GLB1: variants seen among roughly 807,000 people sequenced by gnomAD.
The protein encoded by GLB1 is galactosidase beta 1, also known as beta-galactosidase.
A neutral mutation model predicts 74.0 loss-of-function variants in GLB1; 56 were observed. The observed-to-expected ratio is 0.76, with a 90% CI of 0.61 to 0.94. The LOEUF is 0.94. Ranked by LOEUF, GLB1 falls within the 40% of genes least tolerant of loss-of-function variation. The pLI, the probability that GLB1 is intolerant of heterozygous loss-of-function variation, is 0.00. For missense variants in GLB1, 787 were observed against 845.5 expected, an observed-to-expected ratio of 0.93 and a Z score of 0.86; for synonymous variants, 323 against 323.6, an observed-to-expected ratio of 1.00 and a Z score of 0.02.
chr3:32,999,801 C>A (rs1696475111), intron 15 of GLB1, among the ~76,000 whole-genome samples: 1 of 152,054 alleles, frequency 6.6e-6, no homozygotes, highest in Non-Finnish European at 1.5e-5. Flanking sequence ...CAGGCGTGCA[C>A]CACCATGCCC....
intron 10 of GLB1, 155 bp from the exon 11 acceptor site, chr3:33,024,480 C>T: frequency 2.6e-6 from 2 of 768,362 alleles, no homozygotes. Flanking sequence ...TCTTCCAAAG[C>T]AGGATCTGGT....
Position 33,073,666 on chromosome 3 carries a change from C to T in GLB1, c.76-953G>A, listed in dbSNP as rs545062407. ...TCACACCACTGCACTCCAGCCTGGGCGACAGAGCGAGACTCTGTCTCAAAA... is the reference window on the plus strand; with the variant it reads ...TCACACCACTGCACTCCAGCCTGGGTGACAGAGCGAGACTCTGTCTCAAAA... On this transcript the variant is annotated intron_variant, in intron 1 of 15. Coordinates refer to ENST00000307363, the MANE Select transcript of GLB1 (RefSeq NM_000404.4). Among the ~76,000 whole-genome samples, 89 of 151,156 alleles carry T rather than the reference C, an allele frequency of 5.9e-4. 1 individual carries two copies. Among genetic ancestry groups the T allele is most frequent in the East Asian group, 1.2e-3 (6 of 5,124 alleles).
chr3:33,004,956 TAAG>T (rs940027791), intron 15 of GLB1, among the ~76,000 whole-genome samples: 3 of 151,988 alleles, frequency 2.0e-5, no homozygotes, highest in African/African-American at 4.8e-5. Flanking sequence ...CCCAAAAGTG[TAAG>T]AAGAGAGCCC....
the GLB1 span, among the ~76,000 whole-genome samples, chr3:32,968,278 G>T: frequency 6.6e-6 from 1 of 152,132 alleles, no homozygotes. Flanking sequence ...ACAGATTAAT[G>T]TGCATGGTGC....
Position 33,012,695 on chromosome 3 carries a change from C to A in GLB1, c.1734+1361G>T, listed in dbSNP as rs188479388. On this transcript the variant is annotated intron_variant, in intron 15 of 15. Coordinates refer to ENST00000307363, the MANE Select transcript of GLB1 (RefSeq NM_000404.4). ...CAAACTCATGACCCCCCTTTCTAAGCCTAAGTCCCCTTCTGAAGCTGCTTC... is the reference window on the plus strand; with the variant it reads ...CAAACTCATGACCCCCCTTTCTAAGACTAAGTCCCCTTCTGAAGCTGCTTC... Among the ~76,000 whole-genome samples the A allele has an allele frequency of 3.9e-5, 6 of 152,294 alleles. No homozygotes were observed. In the East Asian group the frequency reaches 7.7e-4, roughly 20 times the overall value.
intron 1 of GLB1, chr3:33,094,180 G>T: frequency 6.2e-7 from 1 of 1,602,534 alleles, no homozygotes; most frequent in Non-Finnish European, 8.5e-7. Flanking sequence ...AGGGACAGCT[G>T]CCTGAAGATG....
At chr3:32,972,647 A>G in the GLB1 span, among the ~76,000 whole-genome samples, 1 of 152,232 alleles carries the variant, frequency 6.6e-6, no homozygotes, top group Admixed American at 6.5e-5. Flanking sequence ...ACCAGACATC[A>G]GCCACTGCTG....
chr3:32,985,868 G>T, the GLB1 span, among the ~76,000 whole-genome samples: 2 of 152,092 alleles, frequency 1.3e-5, no homozygotes, highest in South Asian at 2.1e-4. Context: ...GCAACACCAT[G>T]TCTGGCTAAT....
At chr3:33,051,582 G>A (rs566528021) in intron 9 of GLB1, among the ~76,000 whole-genome samples, 176 bp downstream of exon 9, 13 of 140,942 alleles carry the variant, frequency 9.2e-5, no homozygotes, top group African/African-American at 3.5e-4. Flanking sequence ...TCCAGCCTGG[G>A]TGACAGAGTG....
At chr3:33,014,654 G>A (rs574583926) in intron 14 of GLB1, among the ~76,000 whole-genome samples, 1 of 152,206 alleles carries the variant, frequency 6.6e-6, no homozygotes, top group Non-Finnish European at 1.5e-5. Context: ...GCCACTGCTA[G>A]AATAGAGAAA....
intron 15 of GLB1, among the ~76,000 whole-genome samples, chr3:33,011,446 A>G (rs1482660684): frequency 8.0e-6 from 1 of 125,472 alleles, no homozygotes; most frequent in Non-Finnish European, 1.6e-5. Context: ...CTCCAATAAA[A>G]ATAAAAAAAA....
At chr3:33,056,220 T>C (rs1575457362) in intron 6 of GLB1, among the ~76,000 whole-genome samples, 1 of 69,374 alleles carries the variant, frequency 1.4e-5, no homozygotes, top group African/African-American at 6.4e-5. Flanking sequence ...AGAGCGAAAC[T>C]CCACCTCAAA....
At chr3:32,967,497 G>A in the GLB1 span, among the ~76,000 whole-genome samples, 2 of 152,184 alleles carry the variant, frequency 1.3e-5, no homozygotes, top group Non-Finnish European at 2.9e-5. Flanking sequence ...AACCTGGGAG[G>A]TGGAGGTTCA....
At chr3:33,074,389 G>GAACAAAGAAAGAAAGAAAGAAAGAAAGA (rs1559412979) in intron 1 of GLB1, among the ~76,000 whole-genome samples, 1 of 38,884 alleles carries the variant, frequency 2.6e-5, no homozygotes, top group Non-Finnish European at 4.7e-5. Context: ...AGGAAGGAAG[G>GAACAAAGAAAGAAAGAAAGAAAGAAAGA]AAGAAAGAAA....
downstream of GLB1, among the ~76,000 whole-genome samples, chr3:32,995,422 T>G (rs1696291178): frequency 6.6e-6 from 1 of 152,102 alleles, no homozygotes; most frequent in African/African-American, 2.4e-5. Context: ...ATGTAGCACC[T>G]CCTTCGCCCT....
chr3:32,981,514 CTGT>C, the GLB1 span, among the ~76,000 whole-genome samples: 1 of 151,776 alleles, frequency 6.6e-6, no homozygotes, highest in Non-Finnish European at 1.5e-5. Flanking sequence ...TGGCTCACAT[CTGT>C]AACCCCAGCA....
At chr3:32,989,950 GTTA>G in the GLB1 span, among the ~76,000 whole-genome samples, 10 of 152,278 alleles carry the variant, frequency 6.6e-5, no homozygotes, top group African/African-American at 2.4e-4. Flanking sequence ...CTTTATGAAT[GTTA>G]TTATTCTTAT....
intron 13 of GLB1, 138 bp from the exon 14 acceptor site, chr3:33,016,978 A>C: frequency 7.1e-7 from 1 of 1,411,298 alleles, no homozygotes; most frequent in South Asian, 1.4e-5. Context: ...CTTTGATAGC[A>C]TCTTAGCCCA....
chr3:33,061,115 T>A (rs1322545578), intron 5 of GLB1, among the ~76,000 whole-genome samples: 2 of 152,128 alleles, frequency 1.3e-5, no homozygotes, highest in Admixed American at 6.6e-5. Flanking sequence ...ACAAACTTTT[T>A]GAATAAAACA....
Sources: allele counts gnomAD v4.1 joint callset (sites outside exome capture counted in the v4.1 genomes callset), GRCh38; gene constraint gnomAD v4.1.1; transcripts MANE v1.5; gene names NCBI Gene and HGNC (gene_info 2026-07-23, HGNC 2026-07-21).